CNTN5: variants seen among roughly 807,000 people sequenced by gnomAD.
CNTN5 encodes contactin-5.
Under a neutral mutation model 129.1 loss-of-function variants are expected in CNTN5, and 77 were observed. The ratio of observed to expected loss-of-function variants is 0.60; its 90% CI spans 0.50 to 0.72. The LOEUF is 0.72. CNTN5 is among the 30% of genes least tolerant of loss of function. The pLI, the probability that CNTN5 is intolerant of heterozygous loss-of-function variation, is 0.00. For missense variants in CNTN5, 1,478 were observed against 1,328.8 expected (o/e 1.11, Z -1.75); for synonymous variants, 509 against 465.6 (o/e 1.09, Z -1.20).
chr11:99,818,976 A>G (rs1946683225), intron 3 of CNTN5, among the ~76,000 whole-genome samples: 1 of 152,088 alleles, frequency 6.6e-6, no homozygotes, highest in African/African-American at 2.4e-5. Flanking sequence ...CTTAGAGCCT[A>G]GTTAAAACAC....
intron 15 of CNTN5, among the ~76,000 whole-genome samples, chr11:100,212,595 G>A (rs1949055895): frequency 6.6e-6 from 1 of 152,098 alleles, no homozygotes; most frequent in South Asian, 2.1e-4. Context: ...TCTTTGTGTA[G>A]GCCCAACTTT....
At chr11:99,132,095 A>T (rs932492152) in intron 1 of CNTN5, among the ~76,000 whole-genome samples, 2 of 152,202 alleles carry the variant, frequency 1.3e-5, no homozygotes, top group Non-Finnish European at 2.9e-5. Flanking sequence ...CTGGTTCAAC[A>T]TACGCAAATC....
intron 2 of CNTN5, among the ~76,000 whole-genome samples, chr11:99,398,228 C>T (rs1485774504): frequency 6.6e-6 from 1 of 151,788 alleles, no homozygotes; most frequent in Admixed American, 6.6e-5. Flanking sequence ...TTGTGTTTTG[C>T]CTTTAGCCTT....
intron 13 of CNTN5, among the ~76,000 whole-genome samples, chr11:100,177,795 ATTG>A (rs1169930360): frequency 6.6e-6 from 1 of 152,108 alleles, no homozygotes; most frequent in Non-Finnish European, 1.5e-5. Flanking sequence ...TTCTGGGGAT[ATTG>A]TTGTAAGTCC....
intron 12 of CNTN5, 96 bp from the exon 13 acceptor site, chr11:100,074,048 C>A: frequency 1.8e-6 from 2 of 1,125,996 alleles, no homozygotes; most frequent in South Asian, 1.6e-5. Context: ...ATGAGAAATG[C>A]CTCCCAGAAG....
intron 12 of CNTN5, among the ~76,000 whole-genome samples, chr11:100,072,196 G>A (rs563986745): frequency 6.6e-6 from 1 of 152,164 alleles, no homozygotes; most frequent in Non-Finnish European, 1.5e-5. Flanking sequence ...GCCTGTCCAT[G>A]CTCCCATAGC....
Position 99,719,056 on chromosome 11 carries a change from C to T in CNTN5, c.56-100488C>T, listed in dbSNP as rs188433895. Among the ~76,000 whole-genome samples the T allele has an allele frequency of 5.9e-5, 9 of 152,152 alleles. No homozygotes were observed. In the East Asian group the frequency reaches 7.8e-4, roughly 13 times the overall value. On this transcript the variant is annotated intron_variant, in intron 3 of 24. Transcript: ENST00000524871. ...AACAGAGAGCGGGTGTGGTGTCTCA[C>T]GCCTGTAATTCCAGCACTTTGGGAG...
chr11:99,204,706 G>C (rs955406080), intron 1 of CNTN5, among the ~76,000 whole-genome samples: 8 of 152,244 alleles, frequency 5.3e-5, no homozygotes, highest in Admixed American at 5.2e-4. Context: ...AATGTTAAAT[G>C]TGCTGCTCAA....
intron 13 of CNTN5, among the ~76,000 whole-genome samples, chr11:100,179,984 G>A (rs1591361790): frequency 6.6e-6 from 1 of 152,056 alleles, no homozygotes; most frequent in African/African-American, 2.4e-5. Context: ...AACATTTAAG[G>A]CAAAATTAAT....
intron 21 of CNTN5, among the ~76,000 whole-genome samples, chr11:100,329,211 C>G (rs1951852256): frequency 6.6e-6 from 1 of 152,082 alleles, no homozygotes; most frequent in Non-Finnish European, 1.5e-5. Context: ...GCTCTAATCC[C>G]CTTGGGAATA....
intron 16 of CNTN5, among the ~76,000 whole-genome samples, chr11:100,236,090 C>T (rs898711458): frequency 6.6e-5 from 10 of 152,164 alleles, no homozygotes; most frequent in Admixed American, 5.9e-4. Flanking sequence ...GTCCATATAA[C>T]CTGTAGGTAA....
chr11:99,380,252 C>T (rs1940458037), intron 2 of CNTN5, among the ~76,000 whole-genome samples: 3 of 152,040 alleles, frequency 2.0e-5, no homozygotes, highest in Admixed American at 2.0e-4. Flanking sequence ...TCAGAGAATA[C>T]TACACACTTT....
intron 1 of CNTN5, among the ~76,000 whole-genome samples, chr11:99,142,802 C>G (rs1483483683): frequency 2.6e-5 from 4 of 152,164 alleles, no homozygotes; most frequent in Admixed American, 2.6e-4. Flanking sequence ...GCAGCTCTCC[C>G]TGACAGCACA....
intron 21 of CNTN5, among the ~76,000 whole-genome samples, chr11:100,315,850 T>C (rs1951563759): frequency 6.6e-6 from 1 of 152,182 alleles, no homozygotes; most frequent in Non-Finnish European, 1.5e-5. Flanking sequence ...AGGGACTAAA[T>C]GTAGAAAGCA....
intron 6 of CNTN5, among the ~76,000 whole-genome samples, chr11:99,851,787 CT>C (rs1947882240): frequency 1.3e-5 from 2 of 152,302 alleles, no homozygotes; most frequent in South Asian, 2.1e-4. Flanking sequence ...GATTATATGA[CT>C]TTTTAGGCTT....
At chr11:100,047,469 T>C (rs1942742399) in intron 9 of CNTN5, among the ~76,000 whole-genome samples, 1 of 152,182 alleles carries the variant, frequency 6.6e-6, no homozygotes. Context: ...AGAGACCTGA[T>C]AATGTGAAGC....
At chr11:99,389,219 A>T (rs1725880923) in intron 2 of CNTN5, among the ~76,000 whole-genome samples, 1 of 151,570 alleles carries the variant, frequency 6.6e-6, no homozygotes, top group Non-Finnish European at 1.5e-5. Flanking sequence ...AGTAGAGACA[A>T]GTTTCACCAT....
At chr11:99,786,502 T>A (rs1455352453) in intron 3 of CNTN5, among the ~76,000 whole-genome samples, 2 of 152,236 alleles carry the variant, frequency 1.3e-5, no homozygotes, top group East Asian at 1.9e-4. Flanking sequence ...AGAAAAAAAC[T>A]ACTTTAAATT....
At chr11:99,903,515 C>G (rs1188051234) in intron 6 of CNTN5, among the ~76,000 whole-genome samples, 1 of 151,984 alleles carries the variant, frequency 6.6e-6, no homozygotes, top group African/African-American at 2.4e-5. Context: ...ATCTACTCAC[C>G]AGTTAATTAT....
Sources: gnomAD v4.1 joint callset for allele counts (sites outside exome capture counted in the v4.1 genomes callset) on GRCh38, gnomAD v4.1.1 for gene constraint, MANE v1.5 for transcripts, NCBI Gene and HGNC (gene_info 2026-07-23, HGNC 2026-07-21) for gene names.